The following BCORL1 variants were observed in gnomAD, a reference collection of about 807,000 sequenced individuals.
BCORL1 encodes BCL6 corepressor like 1.
In BCORL1, 7 loss-of-function variants were observed where a neutral mutation model predicts 87.6. That is an observed-to-expected ratio of 0.08 (90% CI 0.05 to 0.15). BCORL1 has a LOEUF of 0.15. Ranked by LOEUF, BCORL1 falls within the 10% of genes least tolerant of loss-of-function variation. The probability of loss-of-function intolerance (pLI) is 1.00; values close to 1 mark genes in which losing one functional copy is unlikely to be tolerated. For synonymous variants in BCORL1, 591 were observed against 634.4 expected (o/e 0.93, Z 1.03); for missense variants, 1,215 against 1,499.7 (o/e 0.81, Z 3.13).
In BCORL1 at chrX:130,013,078, T is replaced by A. The variant is rs368005608; in HGVS notation, c.306T>A (p.Ala102=). 11 of 1,209,170 alleles carry A rather than the reference T, an allele frequency of 9.1e-6. No individual in the cohort carries two copies. The African/African-American group carries it at 1.9e-4, about 21-fold the overall frequency. ...ATCCCCAGCCAAAAATGGACTACGC[T>A]GGGAACGTGGCAGAGGCTGAGGGCC... ...PDDPQPKMDY[A]GNVAEAEGLL... is the part of the protein sequence containing the mutation. The change falls in exon 4 of 14, where the codon GCT becomes GCA. Residue 102 remains alanine, a synonymous_variant. Transcript: ENST00000540052.
At position 130,013,667 on chromosome X, in the gene BCORL1, G is replaced by T. The variant is rs762360764; in HGVS notation, c.895G>T (p.Ala299Ser). 4 of 1,211,095 alleles carry T rather than the reference G, an allele frequency of 3.3e-6. No homozygotes were observed. Among genetic ancestry groups the T allele is most frequent in the Non-Finnish European group, 4.5e-6 (4 of 895,403 alleles). The part of the protein sequence containing the change: ...APPSGPVPLS[A>S]PAPAPLSVPV... Reference sequence around the variant, plus strand: ...CCCTTCAGGCCCGGTTCCCTTGTCGGCTCCAGCTCCTGCCCCGCTTTCAGT... The same window carrying T: ...CCCTTCAGGCCCGGTTCCCTTGTCGTCTCCAGCTCCTGCCCCGCTTTCAGT... Residue 299 changes from alanine to serine, a missense_variant, in exon 4 of 14, where the codon GCT becomes TCT. Physicochemically the swap from Ala to Ser is moderately conservative, Grantham distance 99. Coordinates refer to ENST00000540052, the MANE Select transcript of BCORL1 (RefSeq NM_001379451.1).
At chrX:130,027,610 G>A (rs772668147) in intron 7 of BCORL1, among the ~76,000 whole-genome samples, 18 of 112,809 alleles carry the variant, frequency 1.6e-4, no homozygotes, top group African/African-American at 5.5e-4. Context: ...AAACACACGG[G>A]CATGGCTCCA....
At position 130,014,168 on chromosome X, in the gene BCORL1, C is replaced by T. The variant is rs1385001498; in HGVS notation, c.1396C>T (p.Leu466=). The change falls in exon 4 of 14, where the codon CTG becomes TTG. Residue 466 remains leucine, a synonymous_variant. Transcript: ENST00000540052. The part of the protein sequence containing the change: ...SCGQPLSVAT[L]PTTLGVSSTL... ...TGGGCAGCCACTCAGTGTGGCCACACTGCCAACCACTCTAGGGGTTTCCTC... is the reference window on the plus strand; with the variant it reads ...TGGGCAGCCACTCAGTGTGGCCACATTGCCAACCACTCTAGGGGTTTCCTC... 1 of 1,211,407 alleles carries T rather than the reference C, an allele frequency of 8.3e-7. No individual in the cohort carries two copies. The highest frequency in any genetic ancestry group is 2.2e-5 in the Admixed American group (1 of 46,052).
At position 130,056,152 on chromosome X, in the gene BCORL1, C is replaced by G. The variant is rs1434775959; in HGVS notation, c.*16C>G. On this transcript the variant is annotated 3_prime_UTR_variant, in exon 14 of 14. Coordinates refer to ENST00000540052, the MANE Select transcript of BCORL1 (RefSeq NM_001379451.1). ...CAACAGTTGACCGGGAAAACAGCCC[C>G]TCCTCTTCTTTCTCCTTCCGAGTTC... 4 of 1,149,121 alleles carry G rather than the reference C, an allele frequency of 3.5e-6. No homozygotes were observed. The Admixed American group carries it at 8.1e-5, about 23-fold the overall frequency. 94.7% of individuals were successfully genotyped at this position (1,149,121 alleles called of 1,213,427 possible). A position where few individuals can be genotyped will look rare whatever the true frequency, so the allele number is the denominator to read the frequency against.
intron 1 of BCORL1, among the ~76,000 whole-genome samples, chrX:129,984,865 G>C (rs1183528914): frequency 8.9e-6 from 1 of 111,758 alleles, no homozygotes; most frequent in Admixed American, 9.4e-5. Context: ...AATGTTGGCT[G>C]ATCGAAACTG....
rs1213156086 is a variant in BCORL1, at chrX:129,999,297, C to CTT, written c.-44-5863_-44-5862dup. On this transcript the variant is annotated intron_variant, in intron 1 of 13. Transcript: ENST00000540052. ...ACTTGTACTTTGTGTTGAAACACAT[C>CTT]TTTTTTTTTTTTTTTTTTTTTTTTT... 5.8e-3 allele frequency among the ~76,000 whole-genome samples: 226 copies of CTT among 39,113 alleles called. 28 individuals are homozygous for CTT. Among genetic ancestry groups the CTT allele is most frequent in the Non-Finnish European group, 7.5e-3 (167 of 22,333 alleles). 34.0% of individuals were successfully genotyped at this position (39,113 alleles called of 115,157 possible). A position where few individuals can be genotyped will look rare whatever the true frequency, so the allele number is the denominator to read the frequency against.
intron 11 of BCORL1, among the ~76,000 whole-genome samples, chrX:130,043,784 A>ATAT (rs1556131020): frequency 1.9e-4 from 3 of 15,971 alleles, no homozygotes; most frequent in Non-Finnish European, 2.6e-4. Context: ...ATATATATAT[A>ATAT]TTTTTTTTTT....
At chrX:129,989,962 T>A (rs1479761357) in intron 1 of BCORL1, among the ~76,000 whole-genome samples, 1 of 108,978 alleles carries the variant, frequency 9.2e-6, no homozygotes, top group Non-Finnish European at 1.9e-5. Flanking sequence ...ATTTTTGTAT[T>A]TTTAGTAGAG....
chrX:130,054,778 G>A (rs1281878848), intron 13 of BCORL1, among the ~76,000 whole-genome samples: 5 of 110,911 alleles, frequency 4.5e-5, no homozygotes, highest in South Asian at 3.8e-4. Context: ...AGGCGTGGTC[G>A]TGGGTGCCTG....
chrX:130,033,078 TTC>T (rs1299717029), intron 8 of BCORL1, among the ~76,000 whole-genome samples: 1 of 106,050 alleles, frequency 9.4e-6, no homozygotes, highest in African/African-American at 3.5e-5. Context: ...TTTTCTTTTC[TTC>T]TCTCTTTTTT....
At chrX:129,984,166 T>TGCCGCCGCCGCTGCC (rs1362966899) in intron 1 of BCORL1, among the ~76,000 whole-genome samples, 4 of 97,133 alleles carry the variant, frequency 4.1e-5, no homozygotes, top group East Asian at 3.5e-4. Context: ...GCGGCGCTGC[T>TGCCGCCGCCGCTGCC]GCCGCCGCCG....
intron 2 of BCORL1, among the ~76,000 whole-genome samples, chrX:130,005,953 G>C (rs773339619): frequency 9.0e-6 from 1 of 111,053 alleles, no homozygotes; most frequent in Non-Finnish European, 1.9e-5. Context: ...TTTATTTGCT[G>C]CATCAAAGTT....
Position 130,015,615 on chromosome X carries a change from A to G in BCORL1, c.2843A>G (p.Gln948Arg). The G allele has an allele frequency of 4.1e-6, 5 of 1,212,036 alleles. No homozygotes were observed. The highest frequency in any genetic ancestry group is 5.6e-6 in the Non-Finnish European group (5 of 895,551). The change falls in exon 4 of 14, where the codon CAG (glutamine) becomes CGG (arginine). Residue 948 changes from glutamine (Q) to arginine (R), a missense_variant. Around this residue, in one of 5 missense-constraint regions of BCORL1, gnomAD observed 861 missense variants for 1,010.0 expected, o/e 0.85. Transcript: ENST00000540052. Reference protein sequence around the residue: ...QPSGGDIRMNQGPEESESHLC... With the variant: ...QPSGGDIRMNRGPEESESHLC... The stretch of plus-strand genomic sequence containing the variant: ...AGCGGTGGGGACATTCGAATGAATC[A>G]GGGGCCTGAGGAATCAGAGAGCCAC...
chrX:130,041,278 C>CAAAA (rs56172113), intron 11 of BCORL1, among the ~76,000 whole-genome samples: 1 of 33,725 alleles, frequency 3.0e-5, no homozygotes, highest in Non-Finnish European at 6.0e-5. Flanking sequence ...GACAGTGTCT[C>CAAAA]AAAAAAAAAA....
intron 1 of BCORL1, among the ~76,000 whole-genome samples, chrX:129,997,194 C>T (rs1396913213): frequency 9.0e-6 from 1 of 111,506 alleles, no homozygotes; most frequent in Non-Finnish European, 1.9e-5. Flanking sequence ...CCGACATAGG[C>T]TATAATTTGA....
At chrX:129,986,166 G>T (rs1331349471) in intron 1 of BCORL1, among the ~76,000 whole-genome samples, 3 of 112,171 alleles carry the variant, frequency 2.7e-5, no homozygotes, top group Non-Finnish European at 3.8e-5. Context: ...CCTCTCCCTT[G>T]TCTGAGTTCA....
intron 1 of BCORL1, among the ~76,000 whole-genome samples, chrX:129,989,276 C>T (rs1270773227): frequency 9.7e-6 from 1 of 103,129 alleles, no homozygotes; most frequent in African/African-American, 3.5e-5. Flanking sequence ...GCTGGGACTA[C>T]AGGCGCCCGC....
intron 11 of BCORL1, among the ~76,000 whole-genome samples, chrX:130,047,630 C>T (rs761458778): frequency 7.1e-5 from 8 of 112,139 alleles, no homozygotes; most frequent in Non-Finnish European, 1.1e-4. Context: ...AGGGCTGCTC[C>T]GATGGAATCC....
chrX:130,039,133 A>G lies in BCORL1; in HGVS notation c.4695-4A>G, dbSNP rs1404655154. ...GTTATCCTCACCCTGTATCACCTCC[A>G]CAGGCCAGTTCATGATGCGGTGGTC... On this transcript the variant is annotated splice_region_variant and splice_polypyrimidine_tract_variant and intron_variant, in intron 10 of 13. Transcript: ENST00000540052. The G allele has an allele frequency of 8.3e-7, 1 of 1,209,275 alleles. No homozygotes were observed. The highest frequency in any genetic ancestry group is 1.8e-5 in the African/African-American group (1 of 57,045).
Sources: allele counts gnomAD v4.1 joint callset (sites outside exome capture counted in the v4.1 genomes callset), GRCh38; gene constraint gnomAD v4.1.1; regional missense constraint gnomAD v4.1.1; transcripts MANE v1.5; gene names NCBI Gene and HGNC (gene_info 2026-07-23, HGNC 2026-07-21).